KCNIP1: variants seen among roughly 807,000 people sequenced by gnomAD.
KCNIP1 encodes A-type potassium channel modulatory protein KCNIP1.
Under a neutral mutation model 33.0 loss-of-function variants are expected in KCNIP1, and 18 were observed. The observed-to-expected ratio is 0.55, with a 90% CI of 0.38 to 0.81. KCNIP1 has a LOEUF of 0.81. Ranked by LOEUF, KCNIP1 falls within the 30% of genes least tolerant of loss-of-function variation. KCNIP1 has a pLI of 0.00. For missense variants in KCNIP1, 238 were observed against 271.6 expected, an observed-to-expected ratio of 0.88 and a Z score of 0.87; for synonymous variants, 93 against 98.3, an observed-to-expected ratio of 0.95 and a Z score of 0.32.
chr5:170,391,500 G>A (rs980210437), intron 1 of KCNIP1, among the ~76,000 whole-genome samples: 2 of 152,200 alleles, frequency 1.3e-5, no homozygotes, highest in Admixed American at 6.5e-5. Flanking sequence ...TGCTGGCTGC[G>A]GGGTTGTGTG....
At chr5:170,503,711 G>GCACGCACATCACACACACACACACACACA (rs1754548797), upstream of KCNIP1, among the ~76,000 whole-genome samples, 1 of 135,900 alleles carries the variant, frequency 7.4e-6, no homozygotes, top group Non-Finnish European at 1.6e-5. Flanking sequence ...ACACACACAC[G>GCACGCACATCACACACACACACACACACA]CACGCACGCA....
chr5:170,569,995 C>T (rs1308034091), intron 1 of KCNIP1, among the ~76,000 whole-genome samples: 1 of 152,178 alleles, frequency 6.6e-6, no homozygotes, highest in East Asian at 1.9e-4. Context: ...GGACCATTGT[C>T]ATGGATGGGG....
At chr5:170,622,894 G>A (rs569485198) in intron 1 of KCNIP1, among the ~76,000 whole-genome samples, 4 of 152,316 alleles carry the variant, frequency 2.6e-5, no homozygotes, top group East Asian at 3.9e-4. Flanking sequence ...ACCAGAAACC[G>A]GTTTTGGTTC....
At chr5:170,661,955 GCAGTCACTC>G (rs1162408082) in intron 1 of KCNIP1, among the ~76,000 whole-genome samples, 5 of 152,148 alleles carry the variant, frequency 3.3e-5, no homozygotes, top group African/African-American at 1.2e-4. Flanking sequence ...GCACAACGCA[GCAGTCACTC>G]CTTGTCTCCA....
At chr5:170,378,425 C>T in intron 1 of KCNIP1, 1 of 382,342 alleles carries the variant, frequency 2.6e-6, no homozygotes, top group Admixed American at 4.3e-5. Context: ...CAGCCGGAAA[C>T]AGGTATGAGT....
chr5:170,704,621 G>A (rs1334213070), intron 1 of KCNIP1, among the ~76,000 whole-genome samples: 3 of 152,162 alleles, frequency 2.0e-5, no homozygotes, highest in African/African-American at 7.2e-5. Context: ...CAGGAAGGTG[G>A]GGGGTTGTTG....
intron 1 of KCNIP1, among the ~76,000 whole-genome samples, chr5:170,642,501 A>T (rs1237557386): frequency 2.0e-5 from 3 of 152,230 alleles, no homozygotes; most frequent in African/African-American, 7.2e-5. Context: ...CTGTGGGAGC[A>T]GCACGGTGCC....
chr5:170,660,976 G>A (rs146859443), intron 1 of KCNIP1, among the ~76,000 whole-genome samples: 35 of 152,366 alleles, frequency 2.3e-4, no homozygotes, highest in African/African-American at 8.2e-4. Flanking sequence ...CTGGGGACTG[G>A]AAGGGTGAGG....
chr5:170,527,887 G>A (rs547115164), intron 1 of KCNIP1, among the ~76,000 whole-genome samples: 1 of 151,908 alleles, frequency 6.6e-6, no homozygotes, highest in Non-Finnish European at 1.5e-5. Context: ...ACATTCATTT[G>A]GGGGGACGCA....
intron 1 of KCNIP1, among the ~76,000 whole-genome samples, chr5:170,690,641 G>A (rs1478339947): frequency 1.3e-5 from 2 of 152,234 alleles, no homozygotes; most frequent in Admixed American, 1.3e-4. Flanking sequence ...CACATGATTA[G>A]GAAAAGGGCC....
upstream of KCNIP1, among the ~76,000 whole-genome samples, chr5:170,502,766 G>T (rs540395343): frequency 6.6e-6 from 1 of 152,240 alleles, no homozygotes; most frequent in Admixed American, 6.5e-5. Flanking sequence ...GGGTGGGATT[G>T]TAGGGGGCAG....
chr5:170,520,526 AC>A (rs1252726681), intron 1 of KCNIP1, among the ~76,000 whole-genome samples: 1 of 152,184 alleles, frequency 6.6e-6, no homozygotes, highest in Non-Finnish European at 1.5e-5. Flanking sequence ...ATTGGAACTG[AC>A]AACACAAGAA....
rs1287885282 is a variant in KCNIP1, at chr5:170,390,507, AAAAAAAACAAAT to A, written c.88+36545_88+36556del. Among the ~76,000 whole-genome samples, 34 of 57,248 alleles carry A rather than the reference AAAAAAAACAAAT, an allele frequency of 5.9e-4. 1 individual carries two copies. Among genetic ancestry groups the A allele is most frequent in the African/African-American group, 2.2e-3 (27 of 12,360 alleles). 37.6% of individuals were successfully genotyped at this position (57,248 alleles called of 152,430 possible). A position where few individuals can be genotyped will look rare whatever the true frequency, so the allele number is the denominator to read the frequency against. ...AACAGAGCGAGACCCCGTCTCAAAA[AAAAAAAACAAAT>A]ATATATATATATATATATATTTTCA... On this transcript the variant is annotated intron_variant, in intron 1 of 7. Coordinates refer to the KCNIP1 transcript ENST00000377360.
intron 1 of KCNIP1, among the ~76,000 whole-genome samples, chr5:170,715,786 A>G (rs1288653304): frequency 6.6e-6 from 1 of 152,242 alleles, no homozygotes; most frequent in East Asian, 1.9e-4. Context: ...CAACCATTCA[A>G]ACTTAAGTCT....
intron 1 of KCNIP1, chr5:170,669,425 G>T (rs4628005): frequency 0.065 from 43,337 of 669,658 alleles, 3,585 homozygotes; most frequent in African/African-American, 0.34. Context: ...GGTCCTTGGT[G>T]CTACATTAGG....
intron 1 of KCNIP1, among the ~76,000 whole-genome samples, chr5:170,509,414 G>A (rs532982845): frequency 6.6e-6 from 1 of 152,340 alleles, no homozygotes; most frequent in South Asian, 2.1e-4. Flanking sequence ...CCTAAAATCA[G>A]TGGGATTGTT....
intron 1 of KCNIP1, among the ~76,000 whole-genome samples, chr5:170,413,454 C>A (rs1442462682): frequency 6.6e-6 from 1 of 152,198 alleles, no homozygotes; most frequent in East Asian, 1.9e-4. Context: ...GGTCTTGAGT[C>A]AGAAGAGATG....
chr5:170,372,161 G>A lies in KCNIP1; in HGVS notation c.88+18197G>A, dbSNP rs543416933. Among the ~76,000 whole-genome samples the A allele has an allele frequency of 1.8e-4, 27 of 152,264 alleles. 1 individual carries two copies. The highest frequency in any genetic ancestry group is 3.4e-3 in the Middle Eastern group (1 of 294). On this transcript the variant is annotated intron_variant, in intron 1 of 7. Transcript: ENST00000377360. ...CCAGATAGGATATAATAATTTACTAGAGTGATCCACAGAACTCAAAAGAAC... is the reference window on the plus strand; with the variant it reads ...CCAGATAGGATATAATAATTTACTAAAGTGATCCACAGAACTCAAAAGAAC...
intron 1 of KCNIP1, among the ~76,000 whole-genome samples, chr5:170,401,492 G>A (rs1754902163): frequency 1.3e-5 from 2 of 152,110 alleles, no homozygotes; most frequent in Non-Finnish European, 1.5e-5. Flanking sequence ...ATCTGGGCAC[G>A]GTGGCTCATG....
Sources: allele counts gnomAD v4.1 joint callset (sites outside exome capture counted in the v4.1 genomes callset), GRCh38; gene constraint gnomAD v4.1.1; transcripts MANE v1.5; gene names NCBI Gene and HGNC (gene_info 2026-07-23, HGNC 2026-07-21).